The following DNAH9 variants were observed in gnomAD, a reference collection of about 807,000 sequenced individuals.
DNAH9 encodes the protein dynein axonemal heavy chain 9.
A neutral mutation model predicts 471.6 loss-of-function variants in DNAH9; 345 were observed. That is an observed-to-expected ratio of 0.73 (90% CI 0.67 to 0.80). The LOEUF (loss-of-function observed/expected upper bound fraction) is 0.80, where lower values mean the gene tolerates loss of function less well. Ranked by LOEUF, DNAH9 falls within the 30% of genes least tolerant of loss-of-function variation. DNAH9 has a pLI of 0.00. For synonymous variants in DNAH9, 2,093 were observed against 2,123.6 expected (o/e 0.99, Z 0.40); for missense variants, 5,407 against 5,609.2 (o/e 0.96, Z 1.15).
intron 49 of DNAH9, among the ~76,000 whole-genome samples, chr17:11,850,897 G>T (rs1471762418): frequency 6.6e-6 from 1 of 152,110 alleles, no homozygotes; most frequent in African/African-American, 2.4e-5. Context: ...GGACACTGGG[G>T]CTTCCATGGT....
chr17:11,734,840 ACCCT>A (rs2075320012), intron 28 of DNAH9, among the ~76,000 whole-genome samples: 1 of 152,020 alleles, frequency 6.6e-6, no homozygotes, highest in Non-Finnish European at 1.5e-5. Context: ...TCTGTTCAAC[ACCCT>A]CCCGTCTGAG....
intron 22 of DNAH9, among the ~76,000 whole-genome samples, chr17:11,694,761 CTTCCTTCCTTCCTTCCTTCT>C (rs2074421077): frequency 3.6e-4 from 1 of 2,780 alleles, no homozygotes; most frequent in African/African-American, 7.1e-4. Context: ...TCCTTCCTTC[CTTCCTTCCTTCCTTCCTTCT>C]TTCTTTCTTT....
intron 48 of DNAH9, among the ~76,000 whole-genome samples, chr17:11,833,645 T>A (rs905603634): frequency 6.6e-6 from 1 of 151,950 alleles, no homozygotes; most frequent in Non-Finnish European, 1.5e-5. Context: ...GCTATAGGGG[T>A]TTTTGTTTGT....
In DNAH9 at chr17:11,940,395, G is replaced by A. The variant is rs568516132; in HGVS notation, c.12661-1908G>A. ...AACAATACCTCCAGACGATCTTTTC[G>A]TCTCTTTGTAAATAATGTCCAAATG... On this transcript the variant is annotated intron_variant, in intron 66 of 68. Transcript: ENST00000262442. Among the ~76,000 whole-genome samples the A allele has an allele frequency of 1.4e-4, 22 of 152,190 alleles. No individual in the cohort carries two copies. In the South Asian group the frequency reaches 3.9e-3, roughly 27 times the overall value.
At chr17:11,770,447 G>C (rs80065140) in intron 38 of DNAH9, among the ~76,000 whole-genome samples, 2,009 of 112,312 alleles carry the variant, frequency 0.018, 52 homozygotes, top group African/African-American at 0.091. Flanking sequence ...ATGCTGATGG[G>C]GGGGAGCACC....
chr17:11,635,622 G>C (rs1165808194), intron 8 of DNAH9, among the ~76,000 whole-genome samples: 1 of 152,142 alleles, frequency 6.6e-6, no homozygotes, highest in African/African-American at 2.4e-5. Context: ...ATCATGGAAG[G>C]CACGTTTAGA....
intron 1 of DNAH9, among the ~76,000 whole-genome samples, chr17:11,602,871 ACT>A (rs1294320700): frequency 6.6e-6 from 1 of 151,294 alleles, no homozygotes; most frequent in African/African-American, 2.4e-5. Flanking sequence ...TTTCCAGCTC[ACT>A]CTCTCTCATA....
chr17:11,739,163 C>T (rs1017554862), intron 29 of DNAH9, 126 bp downstream of exon 29: 2 of 960,176 alleles, frequency 2.1e-6, no homozygotes, highest in South Asian at 1.9e-5. Context: ...TTTGTAACAA[C>T]CTTCTTTAAT....
chr17:11,708,821 C>G (rs989775075), intron 26 of DNAH9, among the ~76,000 whole-genome samples: 1 of 152,054 alleles, frequency 6.6e-6, no homozygotes, highest in East Asian at 1.9e-4. Flanking sequence ...TAAATCTATC[C>G]CCCGCTCTAG....
intron 38 of DNAH9, among the ~76,000 whole-genome samples, chr17:11,777,231 G>A (rs1011658234): frequency 1.3e-5 from 2 of 152,116 alleles, no homozygotes; most frequent in Non-Finnish European, 2.9e-5. Context: ...TTTCAGGCAA[G>A]CAGTTCATAA....
chr17:11,866,267 T>C (rs1972050597), intron 50 of DNAH9, among the ~76,000 whole-genome samples: 1 of 152,134 alleles, frequency 6.6e-6, no homozygotes, highest in African/African-American at 2.4e-5. Context: ...TCTGTTGGAG[T>C]TTGCTGGAGG....
chr17:11,613,163 A>G (rs1308100095), intron 4 of DNAH9, among the ~76,000 whole-genome samples: 1 of 152,196 alleles, frequency 6.6e-6, no homozygotes, highest in East Asian at 1.9e-4. Flanking sequence ...CTTGGGACCA[A>G]GTGTCTCTTG....
At chr17:11,750,453 C>G (rs955494498) in intron 32 of DNAH9, among the ~76,000 whole-genome samples, 1 of 152,160 alleles carries the variant, frequency 6.6e-6, no homozygotes, top group South Asian at 2.1e-4. Flanking sequence ...AGTTATAGAA[C>G]TTTTTATCCC....
At chr17:11,822,195 C>A in intron 46 of DNAH9, 133 bp downstream of exon 46, 1 of 1,147,384 alleles carries the variant, frequency 8.7e-7, no homozygotes. Context: ...CCTTCTCAGC[C>A]TGAGCACAGT....
chr17:11,630,334 G>C (rs1340307225), intron 7 of DNAH9: 1 of 152,504 alleles, frequency 6.6e-6, no homozygotes, highest in African/African-American at 2.4e-5. Context: ...TCAGGAGGCT[G>C]AGGCAGGAGA....
chr17:11,824,915 TCCTCCTCCC>T (rs902384823), intron 48 of DNAH9, among the ~76,000 whole-genome samples: 4 of 152,110 alleles, frequency 2.6e-5, no homozygotes, highest in Middle Eastern at 3.4e-3. Flanking sequence ...TTCCTCCTCC[TCCTCCTCCC>T]CCTCCTTCTT....
chr17:11,771,689 G>C (rs1968210912), intron 38 of DNAH9, among the ~76,000 whole-genome samples: 1 of 152,062 alleles, frequency 6.6e-6, no homozygotes, highest in Non-Finnish European at 1.5e-5. Flanking sequence ...GTTCAAATAT[G>C]TACCCTTATT....
chr17:11,758,171 A>G (rs755701229), intron 35 of DNAH9, among the ~76,000 whole-genome samples: 1 of 152,142 alleles, frequency 6.6e-6, no homozygotes, highest in East Asian at 1.9e-4. Context: ...GTACCATCTG[A>G]CAGTCCTGCC....
At chr17:11,834,328 C>CAAAAAAA (rs762924565) in intron 48 of DNAH9, among the ~76,000 whole-genome samples, 4 of 77,558 alleles carry the variant, frequency 5.2e-5, no homozygotes, top group Admixed American at 2.0e-4. Context: ...GACTCCGTCT[C>CAAAAAAA]AAAAAAAAAA....
Sources: gnomAD v4.1 joint callset for allele counts (sites outside exome capture counted in the v4.1 genomes callset) on GRCh38, gnomAD v4.1.1 for gene constraint, MANE v1.5 for transcripts, NCBI Gene and HGNC (gene_info 2026-07-23, HGNC 2026-07-21) for gene names.